Variants in MLEC observed in about 807,000 individuals in gnomAD.
MLEC encodes oligosaccharyltransferase complex subunit (non-catalytic).
In MLEC, 7 loss-of-function variants were observed where a neutral mutation model predicts 28.7. The ratio of observed to expected loss-of-function variants is 0.24; its 90% CI spans 0.14 to 0.46. The LOEUF (loss-of-function observed/expected upper bound fraction) is 0.46, where lower values mean the gene tolerates loss of function less well. MLEC is among the 20% of genes least tolerant of loss of function. The probability of loss-of-function intolerance (pLI) is 0.99; values close to 1 mark genes in which losing one functional copy is unlikely to be tolerated. For synonymous variants in MLEC, 142 were observed against 164.4 expected (o/e 0.86, Z 1.04); for missense variants, 237 against 391.1 (o/e 0.61, Z 3.32).
intron 1 of MLEC, among the ~76,000 whole-genome samples, chr12:120,693,404 T>A (rs1307743130): frequency 2.0e-5 from 3 of 152,246 alleles, no homozygotes; most frequent in Admixed American, 6.5e-5. Flanking sequence ...TGTTGGTTTA[T>A]CTGAGTGAAT....
intron 1 of MLEC, among the ~76,000 whole-genome samples, chr12:120,689,742 T>C (rs1881968884): frequency 6.6e-6 from 1 of 152,250 alleles, no homozygotes; most frequent in African/African-American, 2.4e-5. Flanking sequence ...TGCAGCTATT[T>C]ACACTGATTG....
In MLEC at chr12:120,699,771, G is replaced by A. The variant is rs73225032; in HGVS notation, c.*3226G>A. ...CCTGTTGGTTTGAGAGCGTGTTCGT[G>A]TTCTCTTGCCCTCCCTGCCTAAGAG... On this transcript the variant is annotated 3_prime_UTR_variant, in exon 5 of 5. Transcript: ENST00000228506. 15,628 of 152,692 alleles carry A rather than the reference G, an allele frequency of 0.1. 872 individuals are homozygous for A. The highest frequency in any genetic ancestry group is 0.18 in the South Asian group (865 of 4,826). The allele number at this position is 152,692 out of a possible 1,614,324, so 9.5% of individuals were successfully genotyped here.
rs968285424 is a variant in MLEC, at chr12:120,701,333, G to A, written c.*4788G>A. On this transcript the variant is annotated 3_prime_UTR_variant, in exon 5 of 5. Coordinates refer to ENST00000228506, the MANE Select transcript of MLEC (RefSeq NM_014730.4). The surrounding 1 kb of genome is among the most constrained non-coding windows in gnomAD (Gnocchi z 4.0). Reference sequence around the variant, plus strand: ...CTTCCCTGGTGTGTTGTGATCCAGGGAATGAAAAGAAATTTGACCCTGGAT... The same window carrying A: ...CTTCCCTGGTGTGTTGTGATCCAGGAAATGAAAAGAAATTTGACCCTGGAT... 3 of 152,656 alleles carry A rather than the reference G, an allele frequency of 2.0e-5. No homozygotes were observed. Among genetic ancestry groups the A allele is most frequent in the African/African-American group, 7.2e-5 (3 of 41,544 alleles). The allele number at this position is 152,656 out of a possible 1,614,324, so 9.5% of individuals were successfully genotyped here.
In MLEC at chr12:120,694,042, CT is replaced by C. The variant is rs1173970031; in HGVS notation, c.236-45del. ...TGGCTGTTCTGGGGTCTTTGCTTTT[CT>C]TTTGTGTCTTGCCTCTGATGTGCTT... On this transcript the variant is annotated intron_variant, in intron 1 of 4. Coordinates refer to ENST00000228506, the MANE Select transcript of MLEC (RefSeq NM_014730.4). The surrounding 1 kb of genome is among the most constrained non-coding windows in gnomAD (Gnocchi z 4.5). 6.4e-7 allele frequency: 1 copy of C among 1,558,724 alleles called. No individual in the cohort carries two copies. Among genetic ancestry groups the C allele is most frequent in the Admixed American group, 1.9e-5 (1 of 52,684 alleles).
chr12:120,687,312 G>A lies in MLEC; in HGVS notation c.16G>A (p.Ala6Thr). ...GGTGGCCGCCATGCTGGGAGCCTGG[G>A]CGGTTGAGGGAACCGCTGTGGCGCT... MLGAWAVEGTAVALLR... is the reference protein window; with the variant it reads MLGAWTVEGTAVALLR... The change falls in exon 1 of 5, where the codon GCG becomes ACG. Residue 6 changes from alanine to threonine, a missense_variant. Coordinates refer to ENST00000228506, the MANE Select transcript of MLEC (RefSeq NM_014730.4). This position sits in a 1 kb window ranked among gnomAD's most constrained non-coding sequence, Gnocchi z 8.1. 8 of 1,398,538 alleles carry A rather than the reference G, an allele frequency of 5.7e-6. No homozygotes were observed. Among genetic ancestry groups the A allele is most frequent in the Non-Finnish European group, 6.5e-6 (7 of 1,080,924 alleles). 86.6% of individuals were successfully genotyped at this position (1,398,538 alleles called of 1,614,324 possible).
rs1320887857 is a variant in MLEC at position 120,694,322 on chromosome 12, C to T, written c.414+53C>T. ...CCAGTAGGACATTGCTGCTCTTGGACAATCCACGATTATGGGGCTAGAGAG... is the reference window on the plus strand; with the variant it reads ...CCAGTAGGACATTGCTGCTCTTGGATAATCCACGATTATGGGGCTAGAGAG... On this transcript the variant is annotated intron_variant, in intron 2 of 4. Coordinates refer to ENST00000228506, the MANE Select transcript of MLEC (RefSeq NM_014730.4). This position sits in a 1 kb window ranked among gnomAD's most constrained non-coding sequence, Gnocchi z 4.5. The T allele has an allele frequency of 6.4e-7, 1 of 1,564,980 alleles. No individual in the cohort carries two copies. The highest frequency in any genetic ancestry group is 1.4e-5 in the African/African-American group (1 of 73,804).
At position 120,701,278 on chromosome 12, in the gene MLEC, C is replaced by T. The variant is rs1882438044; in HGVS notation, c.*4733C>T. The T allele has an allele frequency of 6.6e-6, 1 of 152,390 alleles. No individual in the cohort carries two copies. Among genetic ancestry groups the T allele is most frequent in the South Asian group, 2.1e-4 (1 of 4,826 alleles). 9.4% of individuals were successfully genotyped at this position (152,390 alleles called of 1,614,324 possible). On this transcript the variant is annotated 3_prime_UTR_variant, in exon 5 of 5. Transcript: ENST00000228506. The surrounding 1 kb of genome is among the most constrained non-coding windows in gnomAD (Gnocchi z 4.0). ...CGAGTTGCGAGGTAGGAGGGGAGCA[C>T]TGGCAGGGAGAGACATTCTTGACTC...
At chr12:120,692,623 T>C (rs1882082422) in intron 1 of MLEC, among the ~76,000 whole-genome samples, 1 of 151,300 alleles carries the variant, frequency 6.6e-6, no homozygotes, top group Admixed American at 6.6e-5. Context: ...CCTTTTGCCA[T>C]GTCTTCTCCC....
Position 120,696,286 on chromosome 12 carries a change from G to T in MLEC, c.650-30G>T, listed in dbSNP as rs1337151822. ...GGTCTCTCTTACTTAAATGCTGTGG[G>T]TCTTAACAGTGTTTTCTTCCTTGTG... On this transcript the variant is annotated intron_variant, in intron 4 of 4. Coordinates refer to ENST00000228506, the MANE Select transcript of MLEC (RefSeq NM_014730.4). This position sits in a 1 kb window ranked among gnomAD's most constrained non-coding sequence, Gnocchi z 5.4. 6.2e-7 allele frequency: 1 copy of T among 1,612,420 alleles called. No individual in the cohort carries two copies.
intron 4 of MLEC, among the ~76,000 whole-genome samples, chr12:120,695,910 G>A (rs1009048664): frequency 1.3e-5 from 2 of 152,204 alleles, no homozygotes; most frequent in African/African-American, 2.4e-5. Flanking sequence ...GATAGTGTGT[G>A]CTGGGAACCC....
At position 120,694,899 on chromosome 12, in the gene MLEC, G is replaced by A. The variant is rs1882172109; in HGVS notation, c.490G>A (p.Ala164Thr). ...CTTTGATCGTGTTGGGCATAGCACA[G>A]CTCACGATGAAATTATACCTATGAG... ...DIFDRVGHST[A>T]HDEIIPMSIR... is the part of the protein sequence containing the mutation. Residue 164 changes from alanine to threonine, a missense_variant, in exon 3 of 5, where the codon GCT becomes ACT. Physicochemically the swap from Ala to Thr is moderately conservative, Grantham distance 58 (BLOSUM62 0). Coordinates refer to ENST00000228506, the MANE Select transcript of MLEC (RefSeq NM_014730.4). This position sits in a 1 kb window ranked among gnomAD's most constrained non-coding sequence, Gnocchi z 4.5. 6.2e-7 allele frequency: 1 copy of A among 1,614,090 alleles called. No individual in the cohort carries two copies. The highest frequency in any genetic ancestry group is 8.5e-7 in the Non-Finnish European group (1 of 1,180,032).
chr12:120,693,992 A>T, intron 1 of MLEC, 99 bp from the exon 2 acceptor site: 1 of 1,158,194 alleles, frequency 8.6e-7, no homozygotes, highest in Non-Finnish European at 1.2e-6. Flanking sequence ...GGAGAGGGTT[A>T]TTAGCATTGC....
intron 1 of MLEC, among the ~76,000 whole-genome samples, chr12:120,690,658 G>C (rs1882006217): frequency 6.6e-6 from 1 of 152,116 alleles, no homozygotes; most frequent in South Asian, 2.1e-4. Flanking sequence ...GGGGAAAAAA[G>C]TTGGTTGGGG....
In MLEC at chr12:120,694,135, G is replaced by A; in HGVS notation, c.280G>A (p.Glu94Lys). The change falls in exon 2 of 5, where the codon GAG becomes AAG. Residue 94 changes from glutamate to lysine, a missense_variant. Transcript: ENST00000228506. This position sits in a 1 kb window ranked among gnomAD's most constrained non-coding sequence, Gnocchi z 4.5. ...ACTGCCAATCCTGCGTTCCAACCCTGAGGACCAGATCCTGTATCAAACTGA... is the reference window on the plus strand; with the variant it reads ...ACTGCCAATCCTGCGTTCCAACCCTAAGGACCAGATCCTGTATCAAACTGA... ...MKLPILRSNPEDQILYQTERY... is the reference protein window; with the variant it reads ...MKLPILRSNPKDQILYQTERY... 1 of 1,614,150 alleles carries A rather than the reference G, an allele frequency of 6.2e-7. No individual in the cohort carries two copies. Among genetic ancestry groups the A allele is most frequent in the South Asian group, 1.1e-5 (1 of 91,074 alleles).
At position 120,698,883 on chromosome 12, in the gene MLEC, G is replaced by GA. The variant is rs1882338597; in HGVS notation, c.*2340dup. On this transcript the variant is annotated 3_prime_UTR_variant, in exon 5 of 5. Transcript: ENST00000228506. ...GATGGGCGCTTTCCTCTCTGGTTGT[G>GA]AACGAAAGGAAGGAACATCTTTCTA... 1 of 152,600 alleles carries GA rather than the reference G, an allele frequency of 6.6e-6. No homozygotes were observed. Among genetic ancestry groups the GA allele is most frequent in the South Asian group, 2.1e-4 (1 of 4,830 alleles). The allele number at this position is 152,600 out of a possible 1,614,324, so 9.5% of individuals were successfully genotyped here.
rs1222260533 is a variant in MLEC at position 120,698,001 on chromosome 12, A to G, written c.*1456A>G. 1 of 152,112 alleles carries G rather than the reference A, an allele frequency of 6.6e-6. No homozygotes were observed. Among genetic ancestry groups the G allele is most frequent in the African/African-American group, 2.4e-5 (1 of 41,408 alleles). The allele number at this position is 152,112 out of a possible 1,614,324, so 9.4% of individuals were successfully genotyped here. On this transcript the variant is annotated 3_prime_UTR_variant, in exon 5 of 5. Coordinates refer to ENST00000228506, the MANE Select transcript of MLEC (RefSeq NM_014730.4). ...TCTTGAATTCCCTGAAAAAATTTCT[A>G]TAGGAAATGAAGCTTCCCTGGTCCC...
Position 120,687,176 on chromosome 12 carries a change from C to A in MLEC, c.-121C>A. On this transcript the variant is annotated 5_prime_UTR_variant, in exon 1 of 5. Transcript: ENST00000228506. The surrounding 1 kb of genome is among the most constrained non-coding windows in gnomAD (Gnocchi z 8.1). ...GGCTGAGAAGAAGGAGGCCTGAGAG[C>A]GACATGTCCCCGGCGGCTCAGGCGG... is the stretch of plus-strand genomic sequence containing the variant. 1 of 1,117,768 alleles carries A rather than the reference C, an allele frequency of 8.9e-7. No individual in the cohort carries two copies. The highest frequency in any genetic ancestry group is 1.1e-6 in the Non-Finnish European group (1 of 874,866). 69.2% of individuals were successfully genotyped at this position (1,117,768 alleles called of 1,614,324 possible). A position where few individuals can be genotyped will look rare whatever the true frequency, so the allele number is the denominator to read the frequency against.
rs772440615 is a variant in MLEC at position 120,694,182 on chromosome 12, T to C, written c.327T>C (p.Phe109=). ...CTGAGCGGTACAATGAGGAGACCTTTGGCTACGAAGTGCCCATCAAAGAGG... is the reference window on the plus strand; with the variant it reads ...CTGAGCGGTACAATGAGGAGACCTTCGGCTACGAAGTGCCCATCAAAGAGG... ...YQTERYNEET[F]GYEVPIKEEG... The change falls in exon 2 of 5, where the codon TTT becomes TTC. Residue 109 remains phenylalanine, a synonymous_variant. Coordinates refer to ENST00000228506, the MANE Select transcript of MLEC (RefSeq NM_014730.4). This position sits in a 1 kb window ranked among gnomAD's most constrained non-coding sequence, Gnocchi z 4.5. The C allele has an allele frequency of 6.2e-7, 1 of 1,614,216 alleles. No individual in the cohort carries two copies. The highest frequency in any genetic ancestry group is 8.5e-7 in the Non-Finnish European group (1 of 1,180,036).
chr12:120,688,078 C>G (rs1317586057), intron 1 of MLEC, among the ~76,000 whole-genome samples: 1 of 152,184 alleles, frequency 6.6e-6, no homozygotes, highest in African/African-American at 2.4e-5. Flanking sequence ...AAAGTAGAAT[C>G]GGCAGGCCGC....
Sources: gnomAD v4.1 joint callset for allele counts (sites outside exome capture counted in the v4.1 genomes callset) on GRCh38, gnomAD v4.1.1 for gene constraint, Gnocchi (gnomAD v3.1) non-coding constraint, MANE v1.5 for transcripts, NCBI Gene and HGNC (gene_info 2026-07-23, HGNC 2026-07-21) for gene names.